Variants in IPCEF1 observed in about 807,000 individuals in gnomAD.
The protein encoded by IPCEF1 is interactor protein for cytohesin exchange factors 1.
A neutral mutation model predicts 50.9 loss-of-function variants in IPCEF1; 31 were observed. That is an observed-to-expected ratio of 0.61 (90% CI 0.46 to 0.82). IPCEF1 has a LOEUF of 0.82. Among genes scored for constraint, IPCEF1 ranks in the 40% least tolerant of loss-of-function variants. The probability of loss-of-function intolerance (pLI) is 0.00; values close to 1 mark genes in which losing one functional copy is unlikely to be tolerated. For synonymous variants in IPCEF1, 181 were observed against 192.0 expected, an observed-to-expected ratio of 0.94 and a Z score of 0.47; for missense variants, 458 against 514.0, an observed-to-expected ratio of 0.89 and a Z score of 1.05.
chr6:154,296,493 A>G (rs1428750669), intron 1 of IPCEF1, among the ~76,000 whole-genome samples: 1 of 152,186 alleles, frequency 6.6e-6, no homozygotes, highest in Non-Finnish European at 1.5e-5. Flanking sequence ...CTCTGTCTGT[A>G]TCTCTCCTTG....
intron 6 of IPCEF1, among the ~76,000 whole-genome samples, chr6:154,221,830 T>C (rs893334507): frequency 2.0e-5 from 3 of 152,016 alleles, no homozygotes; most frequent in Non-Finnish European, 4.4e-5. Context: ...GCCGAGATCA[T>C]GCCACTGCAC....
At chr6:154,268,314 G>A (rs1583926065) in intron 2 of IPCEF1, among the ~76,000 whole-genome samples, 2 of 152,220 alleles carry the variant, frequency 1.3e-5, no homozygotes, top group South Asian at 4.1e-4. Context: ...TCTTTGGAGT[G>A]GGAGGTGTGG....
intron 3 of IPCEF1, among the ~76,000 whole-genome samples, chr6:154,263,685 C>T (rs6909836): frequency 0.91 from 57,328 of 63,018 alleles, 26,596 homozygotes; most frequent in East Asian, 1. Flanking sequence ...TTCTCAATCT[C>T]TTCCCCACCC....
intron 1 of IPCEF1, among the ~76,000 whole-genome samples, chr6:154,295,161 G>A (rs1240288243): frequency 4.6e-5 from 7 of 151,942 alleles, no homozygotes; most frequent in African/African-American, 2.4e-5. Context: ...TTGCGCCACT[G>A]CACTCCAGCC....
At chr6:154,174,964 C>T (rs1239178771) in intron 10 of IPCEF1, among the ~76,000 whole-genome samples, 1 of 152,154 alleles carries the variant, frequency 6.6e-6, no homozygotes, top group Non-Finnish European at 1.5e-5. Flanking sequence ...GAAATCACAA[C>T]AAACTGTCTC....
At chr6:154,162,967 G>C (rs1225709083) in intron 11 of IPCEF1, among the ~76,000 whole-genome samples, 1 of 152,088 alleles carries the variant, frequency 6.6e-6, no homozygotes, top group Non-Finnish European at 1.5e-5. Context: ...CTTCCACAAA[G>C]CACTTAATGG....
chr6:154,353,395 C>T (rs1036801084), intron 1 of IPCEF1, among the ~76,000 whole-genome samples: 1 of 141,798 alleles, frequency 7.1e-6, no homozygotes, highest in Non-Finnish European at 1.5e-5. Flanking sequence ...TCAAGTGGTT[C>T]TTGTGCCTCA....
intron 1 of IPCEF1, among the ~76,000 whole-genome samples, chr6:154,348,872 T>C (rs1381454540): frequency 6.6e-6 from 1 of 152,176 alleles, no homozygotes; most frequent in Admixed American, 6.6e-5. Context: ...TTCTCATCAG[T>C]CCATAAAACT....
chr6:154,180,301 T>C (rs908625953), intron 10 of IPCEF1, among the ~76,000 whole-genome samples: 1 of 151,154 alleles, frequency 6.6e-6, no homozygotes, highest in Admixed American at 6.6e-5. Context: ...TAAACTTTCT[T>C]CAAACTTAGG....
At chr6:154,282,689 A>T (rs1478997106) in intron 2 of IPCEF1, among the ~76,000 whole-genome samples, 1 of 152,230 alleles carries the variant, frequency 6.6e-6, no homozygotes, top group Non-Finnish European at 1.5e-5. Flanking sequence ...TCCGTCTCAA[A>T]AAAAAAAGAA....
chr6:154,180,449 T>G (rs1172627157), intron 10 of IPCEF1, among the ~76,000 whole-genome samples: 2 of 149,824 alleles, frequency 1.3e-5, no homozygotes, highest in Non-Finnish European at 3.0e-5. Flanking sequence ...TTGGTGACAT[T>G]AGCAAATGAG....
At chr6:154,223,845 T>G (rs1231715435) in intron 5 of IPCEF1, among the ~76,000 whole-genome samples, 1 of 152,230 alleles carries the variant, frequency 6.6e-6, no homozygotes, top group Admixed American at 6.5e-5. Flanking sequence ...GCTGCATCTT[T>G]CAGAACCTCA....
intron 2 of IPCEF1, among the ~76,000 whole-genome samples, chr6:154,269,628 GCCTGGCCAGTA>G (rs1781854256): frequency 6.6e-6 from 1 of 152,108 alleles, no homozygotes; most frequent in African/African-American, 2.4e-5. Context: ...GAGCAACCAT[GCCTGGCCAGTA>G]CTTTGTTTCT....
At chr6:154,276,009 A>G (rs34456342) in intron 2 of IPCEF1, among the ~76,000 whole-genome samples, 36,201 of 151,948 alleles carry the variant, frequency 0.24, 5,006 homozygotes, top group African/African-American at 0.37. Context: ...GTGAAATTCC[A>G]TCTCTACTAA....
intron 7 of IPCEF1, among the ~76,000 whole-genome samples, chr6:154,216,713 C>CA (rs1452309062): frequency 6.6e-6 from 1 of 152,078 alleles, no homozygotes; most frequent in East Asian, 1.9e-4. Context: ...ACCAAAAATA[C>CA]AAAAATTAGC....
intron 1 of IPCEF1, among the ~76,000 whole-genome samples, chr6:154,328,235 T>C (rs1783570276): frequency 6.6e-6 from 1 of 152,046 alleles, no homozygotes; most frequent in African/African-American, 2.4e-5. Flanking sequence ...TTGAAAAAAA[T>C]ACACATTTTG....
chr6:154,286,736 G>A (rs1333351972), intron 2 of IPCEF1, among the ~76,000 whole-genome samples: 1 of 152,210 alleles, frequency 6.6e-6, no homozygotes, highest in Non-Finnish European at 1.5e-5. Flanking sequence ...AGTAGAAAGC[G>A]GTGAAGAGTC....
chr6:154,279,080 G>C (rs1047096000), intron 2 of IPCEF1, among the ~76,000 whole-genome samples: 1 of 150,446 alleles, frequency 6.6e-6, no homozygotes, highest in Admixed American at 6.6e-5. Context: ...AGTTGAGATC[G>C]TGCCACCGCA....
chr6:154,207,517 C>A (rs551173702), intron 9 of IPCEF1, among the ~76,000 whole-genome samples: 1 of 152,128 alleles, frequency 6.6e-6, no homozygotes, highest in South Asian at 2.1e-4. Flanking sequence ...ATGTGAATTT[C>A]CAAAATTAAT....
Sources: allele counts gnomAD v4.1 joint callset (sites outside exome capture counted in the v4.1 genomes callset), GRCh38; gene constraint gnomAD v4.1.1; transcripts MANE v1.5; gene names NCBI Gene and HGNC (gene_info 2026-07-23, HGNC 2026-07-21).